QTMAN: variants seen among roughly 807,000 people sequenced by gnomAD.
QTMAN encodes tRNA-queuosine alpha-mannosyltransferase.
chr2:144,328,005 GC>G, the QTMAN span, among the ~76,000 whole-genome samples: 1 of 152,140 alleles, frequency 6.6e-6, no homozygotes, highest in Admixed American at 6.5e-5. Flanking sequence ...AGGCCGGCGT[GC>G]AGTGGTGCCA....
At chr2:144,019,476 G>A in the QTMAN span, among the ~76,000 whole-genome samples, 2 of 140,758 alleles carry the variant, frequency 1.4e-5, no homozygotes, top group African/African-American at 5.6e-5. Context: ...GTGTGTGTGT[G>A]TGTGTGTATG....
At chr2:144,193,883 GA>G in the QTMAN span, among the ~76,000 whole-genome samples, 3 of 151,994 alleles carry the variant, frequency 2.0e-5, no homozygotes, top group Admixed American at 2.0e-4. Flanking sequence ...TACCAGAACT[GA>G]AATAGTTAAA....
At chr2:144,277,985 G>C in the QTMAN span, among the ~76,000 whole-genome samples, 1 of 152,144 alleles carries the variant, frequency 6.6e-6, no homozygotes, top group Admixed American at 6.6e-5. Flanking sequence ...AAGCCAAAGG[G>C]AGAAAGAAAA....
At chr2:144,053,154 GAAAT>G in the QTMAN span, among the ~76,000 whole-genome samples, 8 of 152,088 alleles carry the variant, frequency 5.3e-5, no homozygotes, top group Non-Finnish European at 1.0e-4. Flanking sequence ...AAAAAGAAAT[GAAAT>G]AAATAAGAGG....
chr2:144,247,302 G>T, the QTMAN span, among the ~76,000 whole-genome samples: 8 of 152,126 alleles, frequency 5.3e-5, no homozygotes, highest in Non-Finnish European at 1.0e-4. Flanking sequence ...GGTATAGGAA[G>T]AATTATTAAG....
the QTMAN span, among the ~76,000 whole-genome samples, chr2:143,982,568 T>C: frequency 6.6e-6 from 1 of 150,802 alleles, no homozygotes; most frequent in Non-Finnish European, 1.5e-5. Flanking sequence ...AAGAAAAGAA[T>C]AGATAGCAGA....
At chr2:143,955,730 A>T in the QTMAN span, among the ~76,000 whole-genome samples, 12 of 152,228 alleles carry the variant, frequency 7.9e-5, no homozygotes, top group Non-Finnish European at 1.3e-4. Flanking sequence ...ATACAAGAAA[A>T]GATCATGACC....
chr2:144,074,985 A>G, the QTMAN span, among the ~76,000 whole-genome samples: 1 of 152,230 alleles, frequency 6.6e-6, no homozygotes, highest in Non-Finnish European at 1.5e-5. Context: ...AAAGAGTGAA[A>G]AGCTCAAGTT....
the QTMAN span, among the ~76,000 whole-genome samples, chr2:143,987,606 A>G: frequency 1.3e-5 from 2 of 152,238 alleles, no homozygotes. Flanking sequence ...CATGTGTAGA[A>G]GGATAATATT....
the QTMAN span, among the ~76,000 whole-genome samples, chr2:144,106,657 G>A: frequency 1.3e-5 from 2 of 152,042 alleles, no homozygotes; most frequent in South Asian, 4.2e-4. Flanking sequence ...AATAATAATG[G>A]AAGACATTAA....
At chr2:144,079,524 A>G in the QTMAN span, among the ~76,000 whole-genome samples, 7 of 152,126 alleles carry the variant, frequency 4.6e-5, no homozygotes, top group African/African-American at 1.4e-4. Flanking sequence ...GCTCTGCAAC[A>G]TAATTATAGC....
the QTMAN span, among the ~76,000 whole-genome samples, chr2:144,191,811 G>A: frequency 0.043 from 6,518 of 152,158 alleles, 212 homozygotes; most frequent in South Asian, 0.11. Flanking sequence ...TTGTATATTT[G>A]CTTTTGAATT....
At chr2:144,300,865 C>CT in the QTMAN span, among the ~76,000 whole-genome samples, 1 of 152,066 alleles carries the variant, frequency 6.6e-6, no homozygotes, top group African/African-American at 2.4e-5. Context: ...ATGTTATCAG[C>CT]TAAGGAGGAT....
At chr2:143,991,616 C>T in the QTMAN span, among the ~76,000 whole-genome samples, 16,014 of 141,748 alleles carry the variant, frequency 0.11, 986 homozygotes, top group African/African-American at 0.26. Flanking sequence ...AGGGGCGCCT[C>T]TGCCCGGCCG....
the QTMAN span, chr2:144,295,410 CTAAA>C: frequency 2.0e-5 from 3 of 152,190 alleles, no homozygotes; most frequent in Non-Finnish European, 2.9e-5. Context: ...GTTGTAAGGG[CTAAA>C]TAAATATTTG....
chr2:144,022,562 T>C, the QTMAN span, among the ~76,000 whole-genome samples: 1,431 of 125,774 alleles, frequency 0.011, 6 homozygotes, highest in East Asian at 0.04. Flanking sequence ...CTCTCTCTCT[T>C]TTTTTTTTTT....
At chr2:143,957,394 G>A in the QTMAN span, 2 of 1,149,922 alleles carry the variant, frequency 1.7e-6, no homozygotes, top group South Asian at 2.1e-5. Flanking sequence ...AAAATGATAT[G>A]AGATGTCAGC....
the QTMAN span, among the ~76,000 whole-genome samples, chr2:144,296,821 A>G: frequency 6.6e-6 from 1 of 152,188 alleles, no homozygotes; most frequent in Non-Finnish European, 1.5e-5. Flanking sequence ...ATGAGGGCCA[A>G]CCCTGGACTC....
At chr2:143,967,309 T>A in the QTMAN span, among the ~76,000 whole-genome samples, 1 of 152,192 alleles carries the variant, frequency 6.6e-6, no homozygotes, top group East Asian at 1.9e-4. Context: ...GTAATTCTTC[T>A]GGCTAGGTAT....
Sources: allele counts gnomAD v4.1 joint callset (sites outside exome capture counted in the v4.1 genomes callset), GRCh38; gene constraint gnomAD v4.1.1; transcripts MANE v1.5; gene names NCBI Gene and HGNC (gene_info 2026-07-23, HGNC 2026-07-21).